USP24: variants seen among roughly 807,000 people sequenced by gnomAD.
USP24 encodes the protein ubiquitin specific peptidase 24.
USP24 carries 97 observed loss-of-function variants against 361.6 expected under a neutral mutation model. The observed-to-expected ratio is 0.27, with a 90% confidence interval of 0.23 to 0.32. The LOEUF (loss-of-function observed/expected upper bound fraction) is 0.32. Ranked by LOEUF, USP24 falls within the 10% of genes least tolerant of loss-of-function variation. The pLI is 1.00. For missense variants in USP24, 2,353 were observed against 3,165.6 expected, an observed-to-expected ratio of 0.74 and a Z score of 6.16; for synonymous variants, 1,098 against 1,124.6, an observed-to-expected ratio of 0.98 and a Z score of 0.47.
intron 12 of USP24, among the ~76,000 whole-genome samples, chr1:55,155,055 A>T (rs539473105): frequency 6.6e-6 from 1 of 152,096 alleles, no homozygotes; most frequent in East Asian, 1.9e-4. Context: ...AGTGTGACAT[A>T]TTTCACTTCA....
Position 55,134,383 on chromosome 1 carries a change from G to A in USP24, c.3232C>T (p.Leu1078Phe), listed in dbSNP as rs771128879. 7 of 1,612,616 alleles carry A rather than the reference G, an allele frequency of 4.3e-6. No homozygotes were observed. The highest frequency in any genetic ancestry group is 5.9e-6 in the Non-Finnish European group (7 of 1,178,982). ...EKSLPGVVMA[L>F]VCNVFDMLYQ... The stretch of plus-strand genomic sequence containing the variant: ...AGCATGTCAAATACGTTACATACGA[G>A]AGCCATCACTACACCAGGGAGGGAT... The change falls in exon 29 of 68, where the codon CTC (leucine) becomes TTC (phenylalanine). Residue 1078 changes from leucine (L) to phenylalanine (F), a missense_variant. Physicochemically the swap from Leu to Phe is conservative, Grantham distance 22. Transcript: ENST00000294383.
chr1:55,112,940 G>A (rs1645996644), intron 38 of USP24, among the ~76,000 whole-genome samples: 1 of 152,138 alleles, frequency 6.6e-6, no homozygotes, highest in Non-Finnish European at 1.5e-5. Context: ...TTATGAATCT[G>A]GGTGCTCCTG....
intron 5 of USP24, 122 bp downstream of exon 5, chr1:55,171,434 G>A (rs1649432734): frequency 1.6e-6 from 2 of 1,231,800 alleles, no homozygotes; most frequent in South Asian, 1.7e-5. Flanking sequence ...TGAGCCAGAT[G>A]GGATATTTGT....
intron 1 of USP24, among the ~76,000 whole-genome samples, chr1:55,190,370 G>A (rs1275911553): frequency 6.6e-6 from 1 of 152,052 alleles, no homozygotes; most frequent in African/African-American, 2.4e-5. Flanking sequence ...AGCAACCACA[G>A]AGGGGGATAG....
intron 22 of USP24, 84 bp from the exon 23 acceptor site, chr1:55,142,879 C>T: frequency 7.0e-7 from 1 of 1,424,558 alleles, no homozygotes; most frequent in South Asian, 1.3e-5. Flanking sequence ...AATAAAGAAG[C>T]CAATTTTTGG....
At chr1:55,170,622 G>A (rs150258232) in intron 5 of USP24, among the ~76,000 whole-genome samples, 2 of 152,272 alleles carry the variant, frequency 1.3e-5, no homozygotes, top group African/African-American at 4.8e-5. Flanking sequence ...AACTCAAAGA[G>A]CCATTGTGGG....
At chr1:55,088,360 G>C (rs751791949) in intron 55 of USP24, among the ~76,000 whole-genome samples, 1 of 152,190 alleles carries the variant, frequency 6.6e-6, no homozygotes, top group Non-Finnish European at 1.5e-5. Context: ...TTTGTTTTGA[G>C]AGAAAACAGA....
At chr1:55,154,086 T>C in intron 15 of USP24, 33 bp downstream of exon 15, 2 of 1,612,388 alleles carry the variant, frequency 1.2e-6, no homozygotes. Context: ...ACTGTTGCTC[T>C]AACAACAAAA....
intron 34 of USP24, 105 bp downstream of exon 34, chr1:55,125,215 C>T (rs1392231441): frequency 9.2e-7 from 1 of 1,086,498 alleles, no homozygotes; most frequent in Non-Finnish European, 1.3e-6. Context: ...TTCTTGAAGG[C>T]AATATTCATG....
At chr1:55,085,532 C>T (rs1645232631) in intron 56 of USP24, among the ~76,000 whole-genome samples, 1 of 152,162 alleles carries the variant, frequency 6.6e-6, no homozygotes, top group African/African-American at 2.4e-5. Context: ...GGTTTGGTTG[C>T]CAGCTGCAGG....
At chr1:55,209,131 AC>A (rs1644788058) in intron 1 of USP24, among the ~76,000 whole-genome samples, 1 of 152,168 alleles carries the variant, frequency 6.6e-6, no homozygotes, top group African/African-American at 2.4e-5. Flanking sequence ...GAGGAAAAAA[AC>A]ATTTACTCTT....
At chr1:55,151,429 C>CT (rs1335088743) in intron 16 of USP24, among the ~76,000 whole-genome samples, 1 of 152,178 alleles carries the variant, frequency 6.6e-6, no homozygotes, top group African/African-American at 2.4e-5. Flanking sequence ...GGCAACTCAG[C>CT]TATGGCTATG....
chr1:55,074,678 AT>A (rs1644989531), intron 63 of USP24, among the ~76,000 whole-genome samples: 2 of 151,014 alleles, frequency 1.3e-5, no homozygotes, highest in South Asian at 2.1e-4. Context: ...AAATAAATAA[AT>A]AAAAATAAAA....
intron 1 of USP24, among the ~76,000 whole-genome samples, chr1:55,213,071 C>T (rs982914913): frequency 6.6e-6 from 1 of 152,114 alleles, no homozygotes; most frequent in Non-Finnish European, 1.5e-5. Context: ...AAAAGAATCA[C>T]ATTTCTCACA....
Position 55,129,326 on chromosome 1 carries a change from A to G in USP24, c.3635+151T>C, listed in dbSNP as rs146003297. 2,334 of 533,636 alleles carry G rather than the reference A, an allele frequency of 4.4e-3. 53 individuals carry two copies. Among genetic ancestry groups the G allele is most frequent in the African/African-American group, 0.041 (2,115 of 51,936 alleles). The allele number at this position is 533,636 out of a possible 1,614,324, so 33.1% of individuals were successfully genotyped here. ...GTTATAAAATGATTTAAAATATTTTAAAGGACTGAAACATCATTCCTTCTT... is the reference window on the plus strand; with the variant it reads ...GTTATAAAATGATTTAAAATATTTTGAAGGACTGAAACATCATTCCTTCTT... On this transcript the variant is annotated intron_variant, in intron 32 of 67. Coordinates refer to ENST00000294383, the MANE Select transcript of USP24 (RefSeq NM_015306.3).
At chr1:55,077,833 C>T (rs1173158556) in intron 61 of USP24, among the ~76,000 whole-genome samples, 1 of 152,194 alleles carries the variant, frequency 6.6e-6, no homozygotes, top group Non-Finnish European at 1.5e-5. Flanking sequence ...TACCACACTT[C>T]CAAGAGGCCA....
chr1:55,194,948 C>T (rs1001160447), intron 1 of USP24, among the ~76,000 whole-genome samples: 2 of 152,128 alleles, frequency 1.3e-5, no homozygotes, highest in African/African-American at 4.8e-5. Flanking sequence ...ACTGCCATTC[C>T]TTCTACCAGT....
Position 55,147,051 on chromosome 1 carries a change from C to T in USP24, c.2128G>A (p.Ala710Thr), listed in dbSNP as rs748530368. 6.3e-7 allele frequency: 1 copy of T among 1,575,214 alleles called. No homozygotes were observed. Among genetic ancestry groups the T allele is most frequent in the East Asian group, 2.3e-5 (1 of 42,694 alleles). Residue 710 changes from alanine to threonine, a missense_variant, in exon 19 of 68, where the codon GCA becomes ACA. This residue lies in a region of USP24 where 949 missense variants were observed against 1,280.5 expected (regional missense o/e 0.74). Transcript: ENST00000294383. ...GRYTYREYLE[A>T]HLKFLAFFLQ... is the part of the protein sequence containing the mutation. ...AAAAACGCTAGAAATTTTAGATGTGCCTCTAAATACTGCAAAAAGAAATAA... is the reference window on the plus strand; with the variant it reads ...AAAAACGCTAGAAATTTTAGATGTGTCTCTAAATACTGCAAAAAGAAATAA...
intron 24 of USP24, among the ~76,000 whole-genome samples, chr1:55,139,732 TA>T (rs1250380864): frequency 6.6e-6 from 1 of 152,168 alleles, no homozygotes; most frequent in Non-Finnish European, 1.5e-5. Flanking sequence ...TACCATTTTT[TA>T]ACAATTGGTC....
Sources: gnomAD v4.1 joint callset for allele counts (sites outside exome capture counted in the v4.1 genomes callset) on GRCh38, gnomAD v4.1.1 for gene constraint, gnomAD v4.1.1 regional missense constraint, MANE v1.5 for transcripts, NCBI Gene and HGNC (gene_info 2026-07-23, HGNC 2026-07-21) for gene names.